The following FAM83E variants were observed in gnomAD, a reference collection of about 807,000 sequenced individuals.
FAM83E encodes the protein protein FAM83E.
FAM83E carries 29 observed loss-of-function variants against 34.3 expected under a neutral mutation model. The ratio of observed to expected loss-of-function variants is 0.85; its 90% CI spans 0.63 to 1.15. The LOEUF is 1.15. Ranked by LOEUF, FAM83E falls within the 50% of genes most tolerant of loss-of-function variation. The probability of loss-of-function intolerance (pLI) is 0.00; values close to 1 mark genes in which losing one functional copy is unlikely to be tolerated. For synonymous variants in FAM83E, 312 were observed against 311.6 expected, an observed-to-expected ratio of 1.00 and a Z score of -0.01; for missense variants, 697 against 685.0, an observed-to-expected ratio of 1.02 and a Z score of -0.20.
At chr19:48,604,584 G>A (rs1330292361) in intron 5 of FAM83E, among the ~76,000 whole-genome samples, 8 of 150,062 alleles carry the variant, frequency 5.3e-5, no homozygotes, top group Admixed American at 1.3e-4. Context: ...CACCCGCCTC[G>A]GCCTCCCAAA....
At chr19:48,607,438 G>C (rs1276807012) in intron 5 of FAM83E, 1 of 1,475,136 alleles carries the variant, frequency 6.8e-7, no homozygotes, top group South Asian at 1.4e-5. Flanking sequence ...TAAATGGCCA[G>C]AGAGGCCCTG....
Position 48,615,045 on chromosome 19 carries a change from T to C in FAM83E, c.-1496A>G, listed in dbSNP as rs1233740721. ...GGCAGTCTCTCCCTCCCCACAGCCC[T>C]GCCAGCCTGCACCCTGCACTTCCCG... On this transcript the variant is annotated 5_prime_UTR_variant, in exon 1 of 7. Coordinates refer to ENST00000263266, the MANE Select transcript of FAM83E (RefSeq NM_017708.4). Among the ~76,000 whole-genome samples, 4 of 152,070 alleles carry C rather than the reference T, an allele frequency of 2.6e-5. No homozygotes were observed. The highest frequency in any genetic ancestry group is 5.9e-5 in the Non-Finnish European group (4 of 67,994).
intron 5 of FAM83E, among the ~76,000 whole-genome samples, chr19:48,606,434 C>T (rs1041293529): frequency 2.1e-5 from 3 of 146,068 alleles, no homozygotes; most frequent in African/African-American, 5.3e-5. Context: ...CATCCTGGCT[C>T]GGGGACCCTG....
chr19:48,603,677 C>G lies in FAM83E; in HGVS notation c.993G>C (p.Pro331=). 1 of 1,295,064 alleles carries G rather than the reference C, an allele frequency of 7.7e-7. No homozygotes were observed. The highest frequency in any genetic ancestry group is 9.8e-7 in the Non-Finnish European group (1 of 1,019,130). The allele number at this position is 1,295,064 out of a possible 1,614,324, so 80.2% of individuals were successfully genotyped here. A position where few individuals can be genotyped will look rare whatever the true frequency, so the allele number is the denominator to read the frequency against. ...GGCAGGCGGCCAGGCGGTGGGCCAG[C>G]GGGCCGTCAGGCGGCGGAGGCGACG... The part of the protein sequence containing the change: ...APASPPPPDG[P]LAHRLAACRV... The change falls in exon 6 of 7, where the codon CCG becomes CCC. Residue 331 remains proline (P), a synonymous_variant. Transcript: ENST00000263266.
At chr19:48,608,556 T>C (rs1427570304) in intron 5 of FAM83E, among the ~76,000 whole-genome samples, 1 of 150,060 alleles carries the variant, frequency 6.7e-6, no homozygotes, top group Non-Finnish European at 1.5e-5. Flanking sequence ...GCGATTCTCC[T>C]GCCTCAGCCT....
intron 5 of FAM83E, among the ~76,000 whole-genome samples, chr19:48,609,087 AGGGGGAAACT>A (rs1973988955): frequency 6.6e-6 from 1 of 151,880 alleles, no homozygotes; most frequent in Admixed American, 6.6e-5. Context: ...CATGACATAG[AGGGGGAAACT>A]GAGGCACAGA....
chr19:48,613,528 C>T lies in FAM83E; in HGVS notation c.-156G>A. The stretch of plus-strand genomic sequence containing the variant: ...CGGGGCCCTGCAGATGTCCAAATGG[C>T]TCCCTGCAGCAGCCCCTGCCACACT... On this transcript the variant is annotated 5_prime_UTR_variant, in exon 3 of 7. Transcript: ENST00000263266. 1 of 1,425,796 alleles carries T rather than the reference C, an allele frequency of 7.0e-7. No individual in the cohort carries two copies. The highest frequency in any genetic ancestry group is 9.1e-7 in the Non-Finnish European group (1 of 1,094,544). 88.3% of individuals were successfully genotyped at this position (1,425,796 alleles called of 1,614,324 possible).
At chr19:48,609,017 C>G (rs962952175) in intron 5 of FAM83E, among the ~76,000 whole-genome samples, 2 of 152,018 alleles carry the variant, frequency 1.3e-5, no homozygotes, top group Non-Finnish European at 2.9e-5. Context: ...TTACCCAGCC[C>G]GAGCGTGGGT....
intron 3 of FAM83E, among the ~76,000 whole-genome samples, chr19:48,612,191 C>A (rs555437527): frequency 2.0e-5 from 3 of 152,124 alleles, no homozygotes; most frequent in Non-Finnish European, 2.9e-5. Flanking sequence ...CACGTGGGAG[C>A]TGGCGGACGC....
chr19:48,614,010 C>T lies in FAM83E; in HGVS notation c.-638G>A. Reference sequence around the variant, plus strand: ...CAGTCACAGTATCTGCCTGTTGGAGCATCTGTCTCTGGCCAAATCTGACAG... The same window carrying T: ...CAGTCACAGTATCTGCCTGTTGGAGTATCTGTCTCTGGCCAAATCTGACAG... On this transcript the variant is annotated 5_prime_UTR_variant, in exon 3 of 7. An upstream start codon of the reference 5' UTR is lost. Coordinates refer to ENST00000263266, the MANE Select transcript of FAM83E (RefSeq NM_017708.4). The T allele has an allele frequency of 1.0e-6, 1 of 985,440 alleles. No homozygotes were observed. Among genetic ancestry groups the T allele is most frequent in the Non-Finnish European group, 1.2e-6 (1 of 829,932 alleles). The allele number at this position is 985,440 out of a possible 1,614,324, so 61.0% of individuals were successfully genotyped here. A position where few individuals can be genotyped will look rare whatever the true frequency, so the allele number is the denominator to read the frequency against.
In FAM83E at chr19:48,601,307, A is replaced by G. The variant is rs1046876975; in HGVS notation, c.1239T>C (p.Thr413=). The G allele has an allele frequency of 1.3e-6, 2 of 1,571,922 alleles. No homozygotes were observed. The highest frequency in any genetic ancestry group is 1.7e-6 in the Non-Finnish European group (2 of 1,158,078). ...PAKALMRQRG[T]GGGPWGEVDS... Reference sequence around the variant, plus strand: ...CCACTTCCCCCCAGGGGCCTCCTCCAGTGCCCCGCTGCCTCATCAGAGCCT... The same window carrying G: ...CCACTTCCCCCCAGGGGCCTCCTCCGGTGCCCCGCTGCCTCATCAGAGCCT... Residue 413 remains threonine (T), a synonymous_variant, in exon 7 of 7, where the codon ACT becomes ACC. Transcript: ENST00000263266.
At position 48,614,785 on chromosome 19, in the gene FAM83E, G is replaced by A. The variant is rs1013681212; in HGVS notation, c.-1333C>T. On this transcript the variant is annotated 5_prime_UTR_variant, in exon 2 of 7. Coordinates refer to ENST00000263266, the MANE Select transcript of FAM83E (RefSeq NM_017708.4). ...CCGAGAACGTAGGCTGTGGCTCCCC[G>A]GCTTCTACTTCTGCGGTGCTTCCCG... 4.6e-5 allele frequency: 45 copies of A among 982,358 alleles called. No homozygotes were observed. The highest frequency in any genetic ancestry group is 1.4e-4 in the African/African-American group (8 of 56,838). 60.9% of individuals were successfully genotyped at this position (982,358 alleles called of 1,614,324 possible).
chr19:48,614,806 T>C lies in FAM83E; in HGVS notation c.-1354A>G, dbSNP rs1436017095. Reference sequence around the variant, plus strand: ...CCCCGGCTTCTACTTCTGCGGTGCTTCCCGGCTTCTGGCCTCACTCATCAG... The same window carrying C: ...CCCCGGCTTCTACTTCTGCGGTGCTCCCCGGCTTCTGGCCTCACTCATCAG... On this transcript the variant is annotated 5_prime_UTR_variant, in exon 2 of 7. Coordinates refer to ENST00000263266, the MANE Select transcript of FAM83E (RefSeq NM_017708.4). 1 of 984,500 alleles carries C rather than the reference T, an allele frequency of 1.0e-6. No individual in the cohort carries two copies. The highest frequency in any genetic ancestry group is 1.7e-5 in the African/African-American group (1 of 57,160). 61.0% of individuals were successfully genotyped at this position (984,500 alleles called of 1,614,324 possible).
chr19:48,603,183 C>T (rs1413606758), intron 6 of FAM83E, among the ~76,000 whole-genome samples: 11 of 152,084 alleles, frequency 7.2e-5, no homozygotes, highest in African/African-American at 2.7e-4. Context: ...TGCTCTGCTC[C>T]TTCCTAGATG....
rs1974074050 is a variant in FAM83E at position 48,613,004 on chromosome 19, T to C, written c.369A>G (p.Lys123=). The change falls in exon 3 of 7, where the codon AAA becomes AAG. Residue 123 remains lysine (K), a synonymous_variant. Coordinates refer to ENST00000263266, the MANE Select transcript of FAM83E (RefSeq NM_017708.4). ...RLGWPVDSAW[K]GITRAQLYTQ... is the part of the protein sequence containing the mutation. ...TGTACAGCTGCGCCCGGGTGATGCC[T>C]TTCCACGCAGAGTCCACTGGCCAGC... The C allele has an allele frequency of 6.2e-7, 1 of 1,605,328 alleles. No individual in the cohort carries two copies. Among genetic ancestry groups the C allele is most frequent in the African/African-American group, 1.3e-5 (1 of 74,958 alleles).
intron 5 of FAM83E, among the ~76,000 whole-genome samples, chr19:48,604,802 A>G (rs1973895361): frequency 2.0e-5 from 3 of 150,146 alleles, no homozygotes; most frequent in Non-Finnish European, 3.0e-5. Context: ...CGGGCAGATC[A>G]TGAGGTCAGG....
Position 48,613,190 on chromosome 19 carries a change from C to T in FAM83E, c.183G>A (p.Ala61=), listed in dbSNP as rs34524515. ...CCGCTGCCAAGCCCTGAACCTCATC[C>T]GCACTGAGGAAGGGCCACAGCTCCT... ...QREELWPFLS[A]DEVQGLAAAA... The change falls in exon 3 of 7, where the codon GCG becomes GCA. Residue 61 remains alanine, a synonymous_variant. Coordinates refer to ENST00000263266, the MANE Select transcript of FAM83E (RefSeq NM_017708.4). 5,365 of 1,611,712 alleles carry T rather than the reference C, an allele frequency of 3.3e-3. 147 individuals are homozygous for T. In the East Asian group the frequency reaches 0.055, roughly 17 times the overall value.
intron 5 of FAM83E, chr19:48,607,732 TTC>T (rs1973961910): frequency 5.2e-6 from 1 of 191,392 alleles, no homozygotes; most frequent in Admixed American, 5.5e-5. Flanking sequence ...TTGTTTTCTT[TTC>T]TTTTTCTTTT....
intron 4 of FAM83E, among the ~76,000 whole-genome samples, 194 bp from the exon 5 acceptor site, chr19:48,610,194 G>T (rs568563037): frequency 9.2e-4 from 140 of 151,988 alleles, no homozygotes; most frequent in Non-Finnish European, 1.6e-3. Context: ...AGGTCAGGAG[G>T]TCGAGACCAG....
Sources: gnomAD v4.1 joint callset for allele counts (sites outside exome capture counted in the v4.1 genomes callset) on GRCh38, gnomAD v4.1.1 for gene constraint, MANE v1.5 for transcripts, NCBI Gene and HGNC (gene_info 2026-07-23, HGNC 2026-07-21) for gene names.